Variants in MAGOH observed in about 807,000 individuals in gnomAD.
MAGOH encodes the protein protein mago nashi homolog.
MAGOH carries 3 observed loss-of-function variants against 20.9 expected under a neutral mutation model. The observed-to-expected ratio is 0.14, with a 90% CI of 0.07 to 0.37. The LOEUF is 0.37. Among genes scored for constraint, MAGOH ranks in the 10% least tolerant of loss-of-function variants. The probability of loss-of-function intolerance (pLI) is 1.00; values close to 1 mark genes in which losing one functional copy is unlikely to be tolerated. For missense variants in MAGOH, 66 were observed against 178.1 expected, an observed-to-expected ratio of 0.37 and a Z score of 3.58; for synonymous variants, 51 against 61.0, an observed-to-expected ratio of 0.84 and a Z score of 0.76.
At position 53,227,018 on chromosome 1, in the gene MAGOH, C is replaced by A. The variant is rs764157200; in HGVS notation, c.*27G>T. 3 of 1,020,236 alleles carry A rather than the reference C, an allele frequency of 2.9e-6. No individual in the cohort carries two copies. Among genetic ancestry groups the A allele is most frequent in the Non-Finnish European group, 4.4e-6 (3 of 687,658 alleles). The allele number at this position is 1,020,236 out of a possible 1,614,324, so 63.2% of individuals were successfully genotyped here. A position where few individuals can be genotyped will look rare whatever the true frequency, so the allele number is the denominator to read the frequency against. The stretch of plus-strand genomic sequence containing the variant: ...ACACAAAATTTTCTACTCCCACCCA[C>A]CCCCCATGTCCACACCAATATTCAG... On this transcript the variant is annotated 3_prime_UTR_variant, in exon 5 of 5. Transcript: ENST00000371470.
chr1:53,233,374 C>CATT, intron 3 of MAGOH, 168 bp downstream of exon 3: 1 of 518,958 alleles, frequency 1.9e-6, no homozygotes, highest in Non-Finnish European at 3.5e-6. Context: ...ATTTTCCTTT[C>CATT]ATTAGATTGT....
chr1:53,234,638 T>C (rs1411515221), intron 2 of MAGOH, among the ~76,000 whole-genome samples: 3 of 152,124 alleles, frequency 2.0e-5, no homozygotes, highest in Non-Finnish European at 4.4e-5. Flanking sequence ...CCTCCCAAAG[T>C]GCTGGGATTA....
intron 1 of MAGOH, among the ~76,000 whole-genome samples, chr1:53,236,478 A>C (rs926465516): frequency 8.5e-5 from 13 of 152,164 alleles, no homozygotes; most frequent in African/African-American, 2.9e-4. Context: ...CTTCTCTCAC[A>C]CAGCTGAAGT....
intron 1 of MAGOH, among the ~76,000 whole-genome samples, chr1:53,237,426 G>A (rs1645617523): frequency 6.6e-6 from 1 of 150,732 alleles, no homozygotes; most frequent in African/African-American, 2.4e-5. Context: ...TGTAATCCCA[G>A]CACTTTGGGA....
At chr1:53,231,225 A>G (rs2100303829) in intron 3 of MAGOH, among the ~76,000 whole-genome samples, 1 of 152,316 alleles carries the variant, frequency 6.6e-6, no homozygotes, top group South Asian at 2.1e-4. Context: ...ATCTATTCAT[A>G]ACCTTTGCAC....
At chr1:53,234,157 C>T (rs918927497) in intron 2 of MAGOH, among the ~76,000 whole-genome samples, 1 of 152,154 alleles carries the variant, frequency 6.6e-6, no homozygotes, top group African/African-American at 2.4e-5. Context: ...TATGAGGACA[C>T]AGCATTCATT....
chr1:53,232,552 T>C (rs2100305043), intron 3 of MAGOH, among the ~76,000 whole-genome samples: 1 of 152,358 alleles, frequency 6.6e-6, no homozygotes, highest in Admixed American at 6.5e-5. Context: ...AAGTGACTTT[T>C]GAAGACCTCA....
intron 2 of MAGOH, among the ~76,000 whole-genome samples, chr1:53,234,290 T>G (rs1053819151): frequency 6.6e-6 from 1 of 152,122 alleles, no homozygotes; most frequent in Non-Finnish European, 1.5e-5. Context: ...GAGAAATATA[T>G]TTTTACTGCT....
rs1645583084 is a variant in MAGOH, at chr1:53,230,926, CTA to C, written c.259-1974_259-1973del. On this transcript the variant is annotated intron_variant, in intron 3 of 4. Transcript: ENST00000371470. Reference sequence around the variant, plus strand: ...AAACTTAAGTTTTAAATTTTTATTCCTATAAACAATGTAGCAAGAATATTCTT... The same window carrying C: ...AAACTTAAGTTTTAAATTTTTATTCCTAAACAATGTAGCAAGAATATTCTT... Among the ~76,000 whole-genome samples, 4 of 152,190 alleles carry C rather than the reference CTA, an allele frequency of 2.6e-5. No individual in the cohort carries two copies. In the South Asian group the frequency reaches 8.3e-4, roughly 32 times the overall value.
intron 1 of MAGOH, 118 bp from the exon 2 acceptor site, chr1:53,235,753 A>G: frequency 2.7e-6 from 2 of 752,906 alleles, no homozygotes; most frequent in Non-Finnish European, 2.3e-6. Context: ...AGTGTCTAAC[A>G]GATTTATTAT....
chr1:53,230,102 A>G (rs1572395920), intron 3 of MAGOH, among the ~76,000 whole-genome samples: 1 of 152,202 alleles, frequency 6.6e-6, no homozygotes, highest in Non-Finnish European at 1.5e-5. Flanking sequence ...GGTGCTGGCT[A>G]TTGTTCTCAG....
At chr1:53,237,928 A>G (rs1645621089) in intron 1 of MAGOH, among the ~76,000 whole-genome samples, 1 of 152,138 alleles carries the variant, frequency 6.6e-6, no homozygotes, top group Non-Finnish European at 1.5e-5. Context: ...CTTGTTAATT[A>G]GGACTCGGCT....
intron 1 of MAGOH, 94 bp downstream of exon 1, chr1:53,238,267 C>T (rs1572399099): frequency 2.7e-6 from 3 of 1,127,490 alleles, no homozygotes; most frequent in East Asian, 4.7e-5. Flanking sequence ...TCCCTCCCTC[C>T]TCTAGTTCCC....
chr1:53,227,013 A>ACC lies in MAGOH; in HGVS notation c.*30_*31dup. The ACC allele has an allele frequency of 4.8e-6, 3 of 626,812 alleles. No individual in the cohort carries two copies. The highest frequency in any genetic ancestry group is 5.4e-6 in the Non-Finnish European group (2 of 371,338). The allele number at this position is 626,812 out of a possible 1,614,324, so 38.8% of individuals were successfully genotyped here. A position where few individuals can be genotyped will look rare whatever the true frequency, so the allele number is the denominator to read the frequency against. On this transcript the variant is annotated 3_prime_UTR_variant, in exon 5 of 5. Transcript: ENST00000371470. ...GATATACACAAAATTTTCTACTCCC[A>ACC]CCCACCCCCCATGTCCACACCAATA... is the stretch of plus-strand genomic sequence containing the variant.
chr1:53,229,981 T>C (rs567400114), intron 3 of MAGOH, among the ~76,000 whole-genome samples: 12 of 152,286 alleles, frequency 7.9e-5, no homozygotes, highest in African/African-American at 2.6e-4. Context: ...TTCCAGACCT[T>C]AGGTTTGATC....
intron 2 of MAGOH, 133 bp from the exon 3 acceptor site, chr1:53,233,785 T>C: frequency 1.5e-6 from 1 of 659,252 alleles, no homozygotes; most frequent in Non-Finnish European, 2.7e-6. Context: ...AAGACATTCA[T>C]GCTCAACCTC....
At chr1:53,229,030 C>A (rs559940180) in intron 3 of MAGOH, 76 bp from the exon 4 acceptor site, 255 of 993,996 alleles carry the variant, frequency 2.6e-4, no homozygotes, top group Non-Finnish European at 3.6e-4. Flanking sequence ...TAATCATTTG[C>A]CAAATCACAC....
chr1:53,234,289 A>G (rs1032908585), intron 2 of MAGOH, among the ~76,000 whole-genome samples: 2 of 151,472 alleles, frequency 1.3e-5, no homozygotes, highest in African/African-American at 4.9e-5. Flanking sequence ...TGAGAAATAT[A>G]TTTTTACTGC....
chr1:53,232,729 T>C (rs569583128), intron 3 of MAGOH, among the ~76,000 whole-genome samples: 1 of 152,044 alleles, frequency 6.6e-6, no homozygotes, highest in South Asian at 2.1e-4. Flanking sequence ...AAAGATAAGG[T>C]GGGAGTTTGA....
Sources: allele counts gnomAD v4.1 joint callset (sites outside exome capture counted in the v4.1 genomes callset), GRCh38; gene constraint gnomAD v4.1.1; transcripts MANE v1.5; gene names NCBI Gene and HGNC (gene_info 2026-07-23, HGNC 2026-07-21).